The following PAK3 variants were observed in gnomAD, a reference collection of about 807,000 sequenced individuals.
The protein encoded by PAK3 is p21 (RAC1) activated kinase 3.
Under a neutral mutation model 41.0 loss-of-function variants are expected in PAK3, and 4 were observed. The ratio of observed to expected loss-of-function variants is 0.10; its 90% CI spans 0.05 to 0.22. The LOEUF is 0.22. Ranked by LOEUF, PAK3 falls within the 10% of genes least tolerant of loss-of-function variation. The pLI, the probability that PAK3 is intolerant of heterozygous loss-of-function variation, is 1.00. For missense variants in PAK3, 205 were observed against 409.9 expected, an observed-to-expected ratio of 0.50 and a Z score of 4.32; for synonymous variants, 146 against 139.6, an observed-to-expected ratio of 1.05 and a Z score of -0.32.
intron 1 of PAK3, among the ~76,000 whole-genome samples, chrX:111,047,039 G>A (rs986755207): frequency 4.5e-5 from 5 of 112,016 alleles, no homozygotes; most frequent in African/African-American, 1.6e-4. Flanking sequence ...CTGTAAAACT[G>A]GATGGCCTCT....
intron 1 of PAK3, among the ~76,000 whole-genome samples, chrX:110,964,641 A>G (rs942750339): frequency 9.8e-5 from 11 of 112,226 alleles, no homozygotes; most frequent in Admixed American, 9.4e-4. Context: ...GAATGAGAAC[A>G]TTGTGAGTAG....
At chrX:111,053,674 C>A (rs1170300666) in intron 1 of PAK3, among the ~76,000 whole-genome samples, 1 of 110,697 alleles carries the variant, frequency 9.0e-6, no homozygotes, top group Admixed American at 9.6e-5. Flanking sequence ...TTATGCCATA[C>A]CACACTGGAC....
chrX:111,149,210 T>C (rs977255885), intron 7 of PAK3, among the ~76,000 whole-genome samples: 2 of 111,977 alleles, frequency 1.8e-5, no homozygotes, highest in African/African-American at 6.5e-5. Context: ...AGAGGTGGGT[T>C]CCCATGGTCT....
At chrX:111,187,996 G>A (rs772773121) in intron 11 of PAK3, among the ~76,000 whole-genome samples, 45 of 106,974 alleles carry the variant, frequency 4.2e-4, no homozygotes, top group Non-Finnish European at 7.3e-4. Flanking sequence ...TTGCATATAT[G>A]GAGTAAGCGG....
At chrX:111,079,604 TAACAC>T (rs2148836577) in intron 1 of PAK3, among the ~76,000 whole-genome samples, 1 of 112,447 alleles carries the variant, frequency 8.9e-6, no homozygotes, top group South Asian at 3.7e-4. Flanking sequence ...TCATGCCTGC[TAACAC>T]AACATCTCTT....
chrX:111,185,381 C>A (rs188948591), intron 11 of PAK3, among the ~76,000 whole-genome samples: 246 of 111,512 alleles, frequency 2.2e-3, no homozygotes, highest in African/African-American at 7.7e-3. Context: ...TTTTGCTGTG[C>A]AGAAGCTCTT....
chrX:111,122,255 GAA>G (rs747134804), intron 4 of PAK3, among the ~76,000 whole-genome samples: 1,841 of 23,040 alleles, frequency 0.08, 27 homozygotes, highest in African/African-American at 0.17. Context: ...GACTCCATCT[GAA>G]AAAAAAAAAA....
At chrX:110,961,409 G>A (rs1165982421) in intron 1 of PAK3, among the ~76,000 whole-genome samples, 1 of 111,361 alleles carries the variant, frequency 9.0e-6, no homozygotes, top group Non-Finnish European at 1.9e-5. Context: ...TTCTGTCTCT[G>A]TCTCTCCTAG....
At chrX:111,037,567 C>A (rs1014580163) in intron 1 of PAK3, among the ~76,000 whole-genome samples, 1 of 111,494 alleles carries the variant, frequency 9.0e-6, no homozygotes, top group African/African-American at 3.3e-5. Flanking sequence ...GTAACCCTGG[C>A]AAGAAACTAA....
At chrX:110,954,795 C>G (rs986062539) in intron 1 of PAK3, among the ~76,000 whole-genome samples, 2 of 111,497 alleles carry the variant, frequency 1.8e-5, no homozygotes, top group African/African-American at 6.5e-5. Flanking sequence ...CCTGATATCC[C>G]CATGACTATT....
chrX:111,119,617 A>G (rs1461852621), intron 4 of PAK3, among the ~76,000 whole-genome samples: 1 of 112,519 alleles, frequency 8.9e-6, no homozygotes, highest in African/African-American at 3.2e-5. Context: ...TAATGACATC[A>G]TAGGCAGATT....
intron 3 of PAK3, among the ~76,000 whole-genome samples, chrX:111,100,249 A>G (rs2093101142): frequency 9.0e-6 from 1 of 111,196 alleles, no homozygotes; most frequent in Non-Finnish European, 1.9e-5. Flanking sequence ...GGCCTGGCTT[A>G]GGGCGTATAT....
chrX:111,148,184 C>A (rs750322231), intron 7 of PAK3, among the ~76,000 whole-genome samples: 1 of 111,871 alleles, frequency 8.9e-6, no homozygotes, highest in African/African-American at 3.2e-5. Context: ...CAGTCACTTA[C>A]TGGGCTTTGT....
chrX:111,128,511 G>A (rs1569373469), intron 5 of PAK3, among the ~76,000 whole-genome samples: 1 of 111,724 alleles, frequency 9.0e-6, no homozygotes, highest in Non-Finnish European at 1.9e-5. Flanking sequence ...GGCAATTTAA[G>A]CTCAAAGCAT....
At chrX:111,147,391 G>A in intron 6 of PAK3, among the ~76,000 whole-genome samples, 1 of 110,654 alleles carries the variant, frequency 9.0e-6, no homozygotes, top group Non-Finnish European at 1.9e-5. Context: ...GTCTTGCTAT[G>A]TCTGCCCTGA....
At chrX:111,040,527 A>G (rs1175635179) in intron 1 of PAK3, among the ~76,000 whole-genome samples, 1 of 111,881 alleles carries the variant, frequency 8.9e-6, no homozygotes, top group Non-Finnish European at 1.9e-5. Context: ...CAGAGTGGTT[A>G]AGAATGTATG....
chrX:111,020,557 A>G (rs751018383), intron 1 of PAK3, among the ~76,000 whole-genome samples: 11 of 111,536 alleles, frequency 9.9e-5, no homozygotes, highest in South Asian at 3.9e-4. Flanking sequence ...TGCAGCTCCC[A>G]CTCAGACAGA....
intron 1 of PAK3, among the ~76,000 whole-genome samples, chrX:110,966,525 TA>T (rs2091085611): frequency 1.8e-5 from 2 of 111,200 alleles, no homozygotes; most frequent in African/African-American, 6.6e-5. Context: ...GGGAAGGAGA[TA>T]CTTCTAAAAA....
At chrX:111,157,603 C>A (rs2094123404) in intron 8 of PAK3, among the ~76,000 whole-genome samples, 1 of 110,153 alleles carries the variant, frequency 9.1e-6, no homozygotes, top group African/African-American at 3.3e-5. Flanking sequence ...CCAGCCTGAC[C>A]AACGTGGAGA....
Sources: allele counts gnomAD v4.1 joint callset (sites outside exome capture counted in the v4.1 genomes callset), GRCh38; gene constraint gnomAD v4.1.1; transcripts MANE v1.5; gene names NCBI Gene and HGNC (gene_info 2026-07-23, HGNC 2026-07-21).